The following ATRNL1 variants were observed in gnomAD, a reference collection of about 807,000 sequenced individuals.
The protein encoded by ATRNL1 is attractin like 1, also known as attractin-like protein 1.
ATRNL1 carries 95 observed loss-of-function variants against 182.7 expected under a neutral mutation model. The ratio of observed to expected loss-of-function variants is 0.52; its 90% CI spans 0.44 to 0.62. ATRNL1 has a LOEUF of 0.62. Among genes scored for constraint, ATRNL1 ranks in the 20% least tolerant of loss-of-function variants. The probability of loss-of-function intolerance (pLI) is 0.00; values close to 1 mark genes in which losing one functional copy is unlikely to be tolerated. For missense variants in ATRNL1, 1,471 were observed against 1,679.5 expected (o/e 0.88, Z 2.17); for synonymous variants, 576 against 568.3 (o/e 1.01, Z -0.19).
intron 27 of ATRNL1, among the ~76,000 whole-genome samples, chr10:115,830,774 C>G (rs1950541783): frequency 6.6e-6 from 1 of 152,056 alleles, no homozygotes; most frequent in South Asian, 2.1e-4. Context: ...AACCAAAGCT[C>G]AGCGGTCATT....
chr10:115,812,329 T>C (rs148363251), intron 27 of ATRNL1, among the ~76,000 whole-genome samples: 245 of 152,258 alleles, frequency 1.6e-3, no homozygotes, highest in Middle Eastern at 0.01. Flanking sequence ...GTTTACAAGG[T>C]TCTTGTTTGG....
intron 5 of ATRNL1, among the ~76,000 whole-genome samples, chr10:115,145,327 T>G (rs1354093928): frequency 6.6e-6 from 1 of 152,164 alleles, no homozygotes; most frequent in African/African-American, 2.4e-5. Context: ...AAAACTTTGT[T>G]TTAAGCCTTC....
intron 27 of ATRNL1, among the ~76,000 whole-genome samples, chr10:115,734,388 T>G (rs1036305773): frequency 2.6e-5 from 4 of 152,164 alleles, no homozygotes; most frequent in African/African-American, 9.6e-5. Context: ...CTTCTTTCTT[T>G]TAATCAAATT....
chr10:115,455,088 T>C (rs1847458127), intron 21 of ATRNL1, among the ~76,000 whole-genome samples: 3 of 152,160 alleles, frequency 2.0e-5, no homozygotes, highest in South Asian at 2.1e-4. Context: ...TTGTTCAGTA[T>C]TTTTTATCAT....
At chr10:115,690,720 G>A (rs1397261239) in intron 26 of ATRNL1, among the ~76,000 whole-genome samples, 3 of 152,166 alleles carry the variant, frequency 2.0e-5, no homozygotes, top group African/African-American at 7.2e-5. Context: ...GCAGTCCCAT[G>A]GCAACTGTGC....
At chr10:115,782,287 C>T (rs1326425240) in intron 27 of ATRNL1, among the ~76,000 whole-genome samples, 2 of 152,172 alleles carry the variant, frequency 1.3e-5, no homozygotes, top group African/African-American at 4.8e-5. Flanking sequence ...TTTAACCAAG[C>T]TCCTTAGAAA....
rs1555046397 is a variant in ATRNL1, at chr10:115,686,584, A to T, written c.3796-40664A>T. Among the ~76,000 whole-genome samples the T allele has an allele frequency of 4.6e-5, 7 of 152,048 alleles. No homozygotes were observed. In the South Asian group the frequency reaches 1.2e-3, roughly 27 times the overall value. The stretch of plus-strand genomic sequence containing the variant: ...CTTTTCATCACTATTACTTAGTATG[A>T]TGCTTGCAAGGCACATTAATAGGTG... On this transcript the variant is annotated intron_variant, in intron 26 of 28. Coordinates refer to ENST00000355044, the MANE Select transcript of ATRNL1 (RefSeq NM_207303.4).
intron 25 of ATRNL1, among the ~76,000 whole-genome samples, chr10:115,519,984 T>C (rs1342526978): frequency 1.3e-5 from 2 of 152,282 alleles, no homozygotes; most frequent in African/African-American, 4.8e-5. Flanking sequence ...TTATAAAATA[T>C]CTGTGTTATG....
At chr10:115,561,690 G>GGGGGGTGTGTGT (rs1554999705) in intron 26 of ATRNL1, among the ~76,000 whole-genome samples, 11 of 50,446 alleles carry the variant, frequency 2.2e-4, no homozygotes, top group African/African-American at 4.9e-4. Context: ...TGTGTGTGTG[G>GGGGGGTGTGTGT]GTGTGTGTGT....
At chr10:115,820,151 T>C (rs1247641940) in intron 27 of ATRNL1, 1 of 152,152 alleles carries the variant, frequency 6.6e-6, no homozygotes, top group Non-Finnish European at 1.5e-5. Flanking sequence ...TGAGCCTCAC[T>C]CTAAAAATCA....
At chr10:115,730,533 C>T (rs1487313382) in intron 27 of ATRNL1, among the ~76,000 whole-genome samples, 2 of 151,796 alleles carry the variant, frequency 1.3e-5, no homozygotes, top group African/African-American at 4.8e-5. Flanking sequence ...CATTTTTCTC[C>T]AATGTGTCCA....
chr10:115,229,828 T>G lies in ATRNL1; in HGVS notation c.1533-11743T>G, dbSNP rs538929352. Among the ~76,000 whole-genome samples the G allele has an allele frequency of 4.1e-4, 62 of 152,286 alleles. 1 individual carries two copies. The highest frequency in any genetic ancestry group is 1.3e-3 in the African/African-American group (55 of 41,560). ...TAGTACTTATTTTTTACTAGTTCTC[T>G]TTTATAAATTGGGAAATATCACATA... On this transcript the variant is annotated intron_variant, in intron 9 of 28. Coordinates refer to ENST00000355044, the MANE Select transcript of ATRNL1 (RefSeq NM_207303.4).
chr10:115,469,475 A>G (rs1252726890), intron 24 of ATRNL1, 146 bp downstream of exon 24: 2 of 453,050 alleles, frequency 4.4e-6, no homozygotes, highest in Non-Finnish European at 7.7e-6. Context: ...AAGGTCTGCG[A>G]ATGTCTGTGA....
chr10:115,154,188 C>T (rs772411941), intron 5 of ATRNL1, among the ~76,000 whole-genome samples: 1 of 151,428 alleles, frequency 6.6e-6, no homozygotes, highest in African/African-American at 2.4e-5. Flanking sequence ...TATCTTCTGT[C>T]GAATTGGGGT....
At chr10:115,294,516 A>G (rs950991292) in intron 15 of ATRNL1, among the ~76,000 whole-genome samples, 5 of 151,848 alleles carry the variant, frequency 3.3e-5, no homozygotes, top group South Asian at 2.1e-4. Flanking sequence ...TGAATTGTCT[A>G]TCTGTATTCT....
intron 28 of ATRNL1, among the ~76,000 whole-genome samples, chr10:115,895,389 G>C (rs1952181693): frequency 6.6e-6 from 1 of 152,190 alleles, no homozygotes; most frequent in Non-Finnish European, 1.5e-5. Context: ...AGGCATACAG[G>C]AGCGTGTTGC....
At chr10:115,404,558 G>A (rs1844728628) in intron 20 of ATRNL1, among the ~76,000 whole-genome samples, 1 of 152,222 alleles carries the variant, frequency 6.6e-6, no homozygotes, top group Non-Finnish European at 1.5e-5. Flanking sequence ...CTTCAAGCTG[G>A]AATCAAACTT....
At chr10:115,763,802 A>G (rs1289728072) in intron 27 of ATRNL1, among the ~76,000 whole-genome samples, 5 of 152,224 alleles carry the variant, frequency 3.3e-5, no homozygotes, top group African/African-American at 9.6e-5. Context: ...TTAAAAATGT[A>G]TGTATGTTTA....
At chr10:115,269,111 C>A (rs1851730276) in intron 13 of ATRNL1, among the ~76,000 whole-genome samples, 1 of 151,986 alleles carries the variant, frequency 6.6e-6, no homozygotes, top group South Asian at 2.1e-4. Flanking sequence ...ATTTTGAGCC[C>A]TATAATTATT....
Sources: gnomAD v4.1 joint callset for allele counts (sites outside exome capture counted in the v4.1 genomes callset) on GRCh38, gnomAD v4.1.1 for gene constraint, MANE v1.5 for transcripts, NCBI Gene and HGNC (gene_info 2026-07-23, HGNC 2026-07-21) for gene names.